Variants in HPSE2 observed in about 807,000 individuals in gnomAD.
The protein encoded by HPSE2 is heparanase 2 (inactive).
HPSE2 carries 38 observed loss-of-function variants against 60.5 expected under a neutral mutation model. The observed-to-expected ratio is 0.63, with a 90% CI of 0.48 to 0.82. HPSE2 has a LOEUF of 0.82. Ranked by LOEUF, HPSE2 falls within the 40% of genes least tolerant of loss-of-function variation. The pLI, the probability that HPSE2 is intolerant of heterozygous loss-of-function variation, is 0.00. For synonymous variants in HPSE2, 295 were observed against 293.2 expected, an observed-to-expected ratio of 1.01 and a Z score of -0.06; for missense variants, 713 against 740.4, an observed-to-expected ratio of 0.96 and a Z score of 0.43.
At chr10:99,035,959 C>T (rs1392576507) in intron 3 of HPSE2, among the ~76,000 whole-genome samples, 2 of 152,190 alleles carry the variant, frequency 1.3e-5, no homozygotes, top group Non-Finnish European at 2.9e-5. Flanking sequence ...TGCCTGTAAT[C>T]CCAGCACATT....
chr10:98,710,272 T>G (rs1948644948), intron 5 of HPSE2, among the ~76,000 whole-genome samples: 1 of 152,134 alleles, frequency 6.6e-6, no homozygotes, highest in African/African-American at 2.4e-5. Flanking sequence ...TCACCTTCAG[T>G]CCTCCATTTC....
At chr10:99,082,570 T>G (rs1252623912) in intron 3 of HPSE2, among the ~76,000 whole-genome samples, 2 of 152,204 alleles carry the variant, frequency 1.3e-5, no homozygotes, top group Non-Finnish European at 2.9e-5. Flanking sequence ...TCAGCTACAT[T>G]GTTAGACCAT....
At chr10:99,208,900 CA>C (rs1344403701) in intron 2 of HPSE2, among the ~76,000 whole-genome samples, 2 of 151,926 alleles carry the variant, frequency 1.3e-5, no homozygotes, top group African/African-American at 4.8e-5. Flanking sequence ...AGCTGTTAAA[CA>C]GACAAAAAAG....
At chr10:99,179,769 T>C (rs1215667174) in intron 2 of HPSE2, among the ~76,000 whole-genome samples, 1 of 151,578 alleles carries the variant, frequency 6.6e-6, no homozygotes, top group Admixed American at 6.6e-5. Context: ...AACTTTAAAC[T>C]TCATATGAAA....
chr10:99,021,809 T>G (rs1249917032), intron 3 of HPSE2, among the ~76,000 whole-genome samples: 1 of 116,542 alleles, frequency 8.6e-6, no homozygotes, highest in African/African-American at 2.7e-5. Context: ...ACCAAGTTAA[T>G]GACTATCTAC....
intron 6 of HPSE2, 121 bp downstream of exon 6, chr10:98,693,779 A>G: frequency 1.1e-6 from 1 of 874,756 alleles, no homozygotes; most frequent in Non-Finnish European, 1.9e-6. Flanking sequence ...TTACTTTCAA[A>G]TTTTTTCCTG....
At chr10:98,633,898 A>G (rs1318618078) in intron 7 of HPSE2, among the ~76,000 whole-genome samples, 1 of 152,144 alleles carries the variant, frequency 6.6e-6, no homozygotes, top group Admixed American at 6.5e-5. Context: ...CTCTTCCCAG[A>G]TTGCTTACAT....
chr10:98,541,232 C>T (rs981608971), intron 9 of HPSE2, among the ~76,000 whole-genome samples: 2 of 152,108 alleles, frequency 1.3e-5, no homozygotes, highest in Non-Finnish European at 2.9e-5. Flanking sequence ...GATCTTTGTT[C>T]TTTTGAAATG....
intron 3 of HPSE2, among the ~76,000 whole-genome samples, chr10:99,038,473 A>G (rs2487888): frequency 0.25 from 37,519 of 152,090 alleles, 6,437 homozygotes; most frequent in African/African-American, 0.49. Context: ...ACAAAATTAT[A>G]GAGACAGAAA....
intron 3 of HPSE2, among the ~76,000 whole-genome samples, chr10:98,930,117 T>G (rs1954602023): frequency 7.1e-6 from 1 of 141,734 alleles, no homozygotes; most frequent in Admixed American, 7.0e-5. Flanking sequence ...GCATCAGCTC[T>G]TTTCTCTAAT....
chr10:99,236,341 G>A (rs1484743732), upstream of HPSE2, among the ~76,000 whole-genome samples: 1 of 152,014 alleles, frequency 6.6e-6, no homozygotes, highest in African/African-American at 2.4e-5. Flanking sequence ...TCTGGAGGGC[G>A]GTTCAAGCTC....
intron 3 of HPSE2, among the ~76,000 whole-genome samples, chr10:98,814,893 C>T (rs897933636): frequency 1.3e-5 from 2 of 152,220 alleles, no homozygotes; most frequent in Non-Finnish European, 2.9e-5. Flanking sequence ...TTTAAAAACA[C>T]TCAAGAGATT....
chr10:98,765,950 A>T (rs1178335054), intron 3 of HPSE2, among the ~76,000 whole-genome samples: 2 of 152,124 alleles, frequency 1.3e-5, no homozygotes, highest in East Asian at 3.9e-4. Flanking sequence ...AGAAAGAAAT[A>T]GAGTAGAAAT....
intron 7 of HPSE2, 99 bp downstream of exon 7, chr10:98,641,748 C>A (rs558651807): frequency 1.1e-6 from 1 of 894,112 alleles, no homozygotes; most frequent in East Asian, 2.4e-5. Flanking sequence ...TTTTTCTACT[C>A]TGGTTCCCAC....
intron 3 of HPSE2, among the ~76,000 whole-genome samples, chr10:99,115,495 A>G (rs927743834): frequency 2.0e-5 from 3 of 150,522 alleles, no homozygotes; most frequent in Non-Finnish European, 4.4e-5. Flanking sequence ...GGGCTTTGCT[A>G]TGTTGCCCAG....
the HPSE2 span, among the ~76,000 whole-genome samples, chr10:99,290,524 T>C: frequency 6.6e-6 from 1 of 152,188 alleles, no homozygotes; most frequent in East Asian, 1.9e-4. Context: ...GATCATGTGA[T>C]TTACTAAGAA....
chr10:99,300,694 T>C, the HPSE2 span, among the ~76,000 whole-genome samples: 35 of 152,232 alleles, frequency 2.3e-4, no homozygotes, highest in Non-Finnish European at 4.7e-4. Flanking sequence ...AGTGCTTTTC[T>C]TAACACAGAT....
rs554962585 is a variant in HPSE2, at chr10:98,485,449, C to T, written c.1467-2667G>A. On this transcript the variant is annotated intron_variant, in intron 10 of 11. Coordinates refer to ENST00000370552, the MANE Select transcript of HPSE2 (RefSeq NM_021828.5). The stretch of plus-strand genomic sequence containing the variant: ...AAACGACTCTTTCATCCAGTTCCTC[C>T]TCCTCCGGTCCTTCTTAATCTCCTG... 7.9e-5 allele frequency among the ~76,000 whole-genome samples: 12 copies of T among 152,346 alleles called. No homozygotes were observed. In the South Asian group the frequency reaches 1.4e-3, roughly 18 times the overall value.
At chr10:99,297,267 A>G in the HPSE2 span, among the ~76,000 whole-genome samples, 1 of 152,168 alleles carries the variant, frequency 6.6e-6, no homozygotes, top group Non-Finnish European at 1.5e-5. Flanking sequence ...CACCCATGCA[A>G]GCCCTTCCCA....
Sources: gnomAD v4.1 joint callset for allele counts (sites outside exome capture counted in the v4.1 genomes callset) on GRCh38, gnomAD v4.1.1 for gene constraint, MANE v1.5 for transcripts, NCBI Gene and HGNC (gene_info 2026-07-23, HGNC 2026-07-21) for gene names.